EPHA2: variants seen among roughly 807,000 people sequenced by gnomAD.
The protein encoded by EPHA2 is EPH receptor A2.
EPHA2 carries 54 observed loss-of-function variants against 104.9 expected under a neutral mutation model. The observed-to-expected ratio is 0.51, with a 90% CI of 0.41 to 0.65. The LOEUF (loss-of-function observed/expected upper bound fraction) is 0.65, where lower values mean the gene tolerates loss of function less well. Among genes scored for constraint, EPHA2 ranks in the 30% least tolerant of loss-of-function variants. EPHA2 has a pLI of 0.00. For synonymous variants in EPHA2, 560 were observed against 559.1 expected (o/e 1.00, Z -0.02); for missense variants, 1,117 against 1,369.5 (o/e 0.82, Z 2.91).
chr1:16,144,523 C>T (rs2024890131), intron 3 of EPHA2, among the ~76,000 whole-genome samples: 1 of 152,218 alleles, frequency 6.6e-6, no homozygotes, highest in African/African-American at 2.4e-5. Context: ...TCCCTGTCAG[C>T]TATGGACTTT....
intron 1 of EPHA2, chr1:16,153,059 C>T (rs1394154752): frequency 2.1e-6 from 2 of 948,516 alleles, no homozygotes; most frequent in African/African-American, 3.5e-5. Flanking sequence ...CAGACGGCTT[C>T]CTGGAGAGGC....
chr1:16,125,388 G>GGGGGGGGGGGC lies in EPHA2; in HGVS notation c.2826-69_2826-68insGCCCCCCCCCC. 2.7e-6 allele frequency: 1 copy of GGGGGGGGGGGC among 376,144 alleles called. No homozygotes were observed. 23.3% of individuals were successfully genotyped at this position (376,144 alleles called of 1,614,324 possible). On this transcript the variant is annotated intron_variant, in intron 16 of 16. Transcript: ENST00000358432. The surrounding 1 kb of genome is among the most constrained non-coding windows in gnomAD (Gnocchi z 4.9). ...AGGGGAGGGGGCCGGGCTGGGTGGGGACAGGACTCGGTGGGCGGCTGGGGA... is the reference window on the plus strand; with the variant it reads ...AGGGGAGGGGGCCGGGCTGGGTGGGGGGGGGGGGGGCACAGGACTCGGTGGGCGGCTGGGGA...
At chr1:16,136,669 GAA>G (rs202153488) in intron 5 of EPHA2, among the ~76,000 whole-genome samples, 1 of 90,520 alleles carries the variant, frequency 1.1e-5, no homozygotes, top group Non-Finnish European at 1.9e-5. Context: ...AAGAAAAGAA[GAA>G]AAGAAGAAGA....
chr1:16,127,162 C>T (rs1319352530), intron 16 of EPHA2, among the ~76,000 whole-genome samples: 1 of 152,128 alleles, frequency 6.6e-6, no homozygotes, highest in Non-Finnish European at 1.5e-5. Flanking sequence ...TAAGAAATGG[C>T]TCCTGGAGCC....
At chr1:16,152,960 C>T (rs1190699673) in intron 1 of EPHA2, among the ~76,000 whole-genome samples, 1 of 152,164 alleles carries the variant, frequency 6.6e-6, no homozygotes, top group African/African-American at 2.4e-5. Context: ...CGCCCTGACG[C>T]GGGCGCGGCT....
chr1:16,144,798 CCCCCGTT>C (rs139834137), intron 3 of EPHA2, among the ~76,000 whole-genome samples: 7,733 of 152,280 alleles, frequency 0.051, 642 homozygotes, highest in African/African-American at 0.18. Context: ...CTGTGCCAGG[CCCCCGTT>C]CTTTTGGTCA....
In EPHA2 at chr1:16,128,558, G is replaced by A. The variant is rs183107257; in HGVS notation, c.2825+876C>T. ...CCTCCCAGCCTCCCGGTCTGTTCCC[G>A]CCATGATCTTTGACCATGCACAAGC... On this transcript the variant is annotated intron_variant, in intron 16 of 16. Coordinates refer to ENST00000358432, the MANE Select transcript of EPHA2 (RefSeq NM_004431.5). This position sits in a 1 kb window ranked among gnomAD's most constrained non-coding sequence, Gnocchi z 4.7. 6.6e-6 allele frequency among the ~76,000 whole-genome samples: 1 copy of A among 152,294 alleles called. No homozygotes were observed. Among genetic ancestry groups the A allele is most frequent in the African/African-American group, 2.4e-5 (1 of 41,546 alleles).
intron 1 of EPHA2, among the ~76,000 whole-genome samples, chr1:16,152,297 G>A (rs2025054593): frequency 6.6e-6 from 1 of 152,196 alleles, no homozygotes. Flanking sequence ...GGGCTCTGAG[G>A]GTGGTCTTGA....
chr1:16,155,918 T>C lies in EPHA2; in HGVS notation c.15A>G (p.Ala5=). 1 of 1,488,848 alleles carries C rather than the reference T, an allele frequency of 6.7e-7. No homozygotes were observed. 92.2% of individuals were successfully genotyped at this position (1,488,848 alleles called of 1,614,324 possible). Residue 5 remains alanine (A), a synonymous_variant, in exon 1 of 17, where the codon GCA becomes GCG. Transcript: ENST00000358432. MELQ[A]ARACFALLWG... The stretch of plus-strand genomic sequence containing the variant: ...ACAGCAGGGCGAAGCAGGCGCGGGC[T>C]GCCTGGAGCTCCATGCCGCGCTTCT...
chr1:16,155,633 G>A, intron 1 of EPHA2: 1 of 415,820 alleles, frequency 2.4e-6, no homozygotes. Context: ...CGAGGCCCGT[G>A]CGACCAAGCT....
intron 3 of EPHA2, among the ~76,000 whole-genome samples, chr1:16,142,427 A>G (rs2024839716): frequency 2.0e-5 from 3 of 152,220 alleles, no homozygotes; most frequent in African/African-American, 7.2e-5. Flanking sequence ...ATGGAGACCA[A>G]TTTATCTGTG....
Position 16,135,606 on chromosome 1 carries a change from C to T in EPHA2, c.1428+49G>A, listed in dbSNP as rs374054649. On this transcript the variant is annotated intron_variant, in intron 6 of 16. Transcript: ENST00000358432. The surrounding 1 kb of genome is among the most constrained non-coding windows in gnomAD (Gnocchi z 4.3). ...GTGATCATCTATGTGACCAGCCTGT[C>T]CCCTGCTGTCGGCCCAGCTAGAGCC... is the stretch of plus-strand genomic sequence containing the variant. 27 of 1,541,030 alleles carry T rather than the reference C, an allele frequency of 1.8e-5. No individual in the cohort carries two copies. Among genetic ancestry groups the T allele is most frequent in the African/African-American group, 2.7e-5 (2 of 73,488 alleles).
intron 5 of EPHA2, among the ~76,000 whole-genome samples, chr1:16,136,559 C>A (rs751033489): frequency 2.0e-5 from 3 of 148,262 alleles, no homozygotes; most frequent in African/African-American, 4.9e-5. Flanking sequence ...GCAGAGGTTG[C>A]GGTGAGCCAA....
At chr1:16,145,966 C>A (rs1355188109) in intron 3 of EPHA2, among the ~76,000 whole-genome samples, 2 of 152,196 alleles carry the variant, frequency 1.3e-5, no homozygotes, top group African/African-American at 2.4e-5. Context: ...GGATTCCGCT[C>A]GCATGTCTGA....
In EPHA2 at chr1:16,131,246, G is replaced by A. The variant is rs1347669924; in HGVS notation, c.2475+475C>T. Reference sequence around the variant, plus strand: ...CTCTGCACTCTCTGAATCAGCTCCTGGAACCCAGCACAAGGCCTGGCACGC... The same window carrying A: ...CTCTGCACTCTCTGAATCAGCTCCTAGAACCCAGCACAAGGCCTGGCACGC... On this transcript the variant is annotated intron_variant, in intron 14 of 16. Transcript: ENST00000358432. This position sits in a 1 kb window ranked among gnomAD's most constrained non-coding sequence, Gnocchi z 5.2. Among the ~76,000 whole-genome samples the A allele has an allele frequency of 6.6e-6, 1 of 152,000 alleles. No individual in the cohort carries two copies. The highest frequency in any genetic ancestry group is 2.4e-5 in the African/African-American group (1 of 41,364).
In EPHA2 at chr1:16,130,125, C is replaced by T. The variant is rs998458000; in HGVS notation, c.2669+101G>A. ...CACATAACCTCTTAGCCCCCAGCAC[C>T]CCCCCTACCAGCTTCACCTGGGTGG... On this transcript the variant is annotated intron_variant, in intron 15 of 16. Transcript: ENST00000358432. The surrounding 1 kb of genome is among the most constrained non-coding windows in gnomAD (Gnocchi z 4.5). The T allele has an allele frequency of 1.7e-5, 26 of 1,515,340 alleles. No homozygotes were observed. Among genetic ancestry groups the T allele is most frequent in the Non-Finnish European group, 2.4e-5 (26 of 1,096,426 alleles). 93.9% of individuals were successfully genotyped at this position (1,515,340 alleles called of 1,614,324 possible). A position where few individuals can be genotyped will look rare whatever the true frequency, so the allele number is the denominator to read the frequency against.
At chr1:16,149,137 C>T in intron 2 of EPHA2, 90 bp from the exon 3 acceptor site, 1 of 1,399,574 alleles carries the variant, frequency 7.1e-7, no homozygotes, top group Non-Finnish European at 1.0e-6. Flanking sequence ...AGATGCTTTC[C>T]AGTTCGTGCT....
rs368346211 is a variant in EPHA2, at chr1:16,148,684, G to A, written c.517C>T (p.Leu173Phe). ...GCCAGGTAGAAGCCTTTGCGGGTGAGCGGCCCCACGGAGCGCTCCTCCACG... is the reference window on the plus strand; with the variant it reads ...GCCAGGTAGAAGCCTTTGCGGGTGAACGGCCCCACGGAGCGCTCCTCCACG... ...LNVEERSVGP[L>F]TRKGFYLAFQ... Residue 173 changes from leucine (L) to phenylalanine (F), a missense_variant, in exon 3 of 17, where the codon CTC (leucine) becomes TTC (phenylalanine). Around this residue, in one of 3 missense-constraint regions of EPHA2, gnomAD observed 664 missense variants for 784.8 expected, o/e 0.85. Transcript: ENST00000358432. This position sits in a 1 kb window ranked among gnomAD's most constrained non-coding sequence, Gnocchi z 4.9. The A allele has an allele frequency of 6.8e-6, 11 of 1,611,324 alleles. No individual in the cohort carries two copies. The highest frequency in any genetic ancestry group is 5.5e-5 in the South Asian group (5 of 91,090).
At chr1:16,137,547 G>A (rs1000185956) in intron 5 of EPHA2, among the ~76,000 whole-genome samples, 1 of 152,150 alleles carries the variant, frequency 6.6e-6, no homozygotes, top group Admixed American at 6.5e-5. Flanking sequence ...GCAGTGAGCC[G>A]AGATCAAGCC....
Sources: allele counts gnomAD v4.1 joint callset (sites outside exome capture counted in the v4.1 genomes callset), GRCh38; gene constraint gnomAD v4.1.1; regional missense constraint gnomAD v4.1.1; non-coding constraint Gnocchi (gnomAD v3.1); transcripts MANE v1.5; gene names NCBI Gene and HGNC (gene_info 2026-07-23, HGNC 2026-07-21).